MYO5A: variants seen among roughly 807,000 people sequenced by gnomAD.
MYO5A encodes unconventional myosin-Va.
A neutral mutation model predicts 249.7 loss-of-function variants in MYO5A; 98 were observed. The observed-to-expected ratio is 0.39, with a 90% confidence interval of 0.33 to 0.46. The LOEUF is 0.46. Ranked by LOEUF, MYO5A falls within the 20% of genes least tolerant of loss-of-function variation. The pLI, the probability that MYO5A is intolerant of heterozygous loss-of-function variation, is 0.98. For missense variants in MYO5A, 1,696 were observed against 2,308.8 expected, an observed-to-expected ratio of 0.73 and a Z score of 5.44; for synonymous variants, 778 against 810.6, an observed-to-expected ratio of 0.96 and a Z score of 0.68.
chr15:52,319,407 C>T, intron 38 of MYO5A, 65 bp from the exon 39 acceptor site: 1 of 1,483,578 alleles, frequency 6.7e-7, no homozygotes, highest in Non-Finnish European at 9.4e-7. Context: ...TGCACATATC[C>T]ATGTGCACAA....
At chr15:52,370,443 TAAGTA>T (rs1567060205) in intron 21 of MYO5A, 26 bp from the exon 22 acceptor site, 1 of 1,587,330 alleles carries the variant, frequency 6.3e-7, no homozygotes. Context: ...TAAGTAACAA[TAAGTA>T]AATACACATA....
At chr15:52,393,936 T>C (rs931854901) in intron 11 of MYO5A, among the ~76,000 whole-genome samples, 2 of 152,204 alleles carry the variant, frequency 1.3e-5, no homozygotes, top group African/African-American at 2.4e-5. Flanking sequence ...ATATTGACAA[T>C]AGAAACACTG....
chr15:52,486,024 A>G (rs1022337490), intron 1 of MYO5A, among the ~76,000 whole-genome samples: 1 of 152,202 alleles, frequency 6.6e-6, no homozygotes, highest in African/African-American at 2.4e-5. Flanking sequence ...TTTCCATAGT[A>G]AACGTTTTCA....
At chr15:52,343,069 G>C in intron 31 of MYO5A, 48 bp downstream of exon 31, 1 of 1,517,890 alleles carries the variant, frequency 6.6e-7, no homozygotes, top group Non-Finnish European at 9.2e-7. Context: ...CTGTTAGTAA[G>C]AAAAACAACA....
intron 28 of MYO5A, among the ~76,000 whole-genome samples, chr15:52,350,011 C>A (rs1008244225): frequency 6.6e-6 from 1 of 152,260 alleles, no homozygotes; most frequent in African/African-American, 2.4e-5. Context: ...CGGCTCACTG[C>A]AAGCTCCGCC....
intron 8 of MYO5A, among the ~76,000 whole-genome samples, chr15:52,405,995 C>T (rs1427284459): frequency 3.3e-5 from 5 of 152,192 alleles, no homozygotes; most frequent in African/African-American, 1.2e-4. Context: ...AGCGTTTAGG[C>T]TGGTGCTATA....
intron 1 of MYO5A, among the ~76,000 whole-genome samples, chr15:52,508,976 AT>A (rs113511621): frequency 6.6e-4 from 96 of 145,146 alleles, no homozygotes; most frequent in Non-Finnish European, 7.0e-4. Flanking sequence ...TTTTTTTGTA[AT>A]TTTTTTTTTT....
intron 1 of MYO5A, among the ~76,000 whole-genome samples, chr15:52,460,308 G>A (rs1472633620): frequency 6.6e-6 from 1 of 152,218 alleles, no homozygotes; most frequent in Non-Finnish European, 1.5e-5. Context: ...CTGGGAGGTG[G>A]AGGTTGTAGC....
intron 16 of MYO5A, among the ~76,000 whole-genome samples, chr15:52,381,995 C>T (rs190821556): frequency 7.9e-4 from 121 of 152,250 alleles, no homozygotes; most frequent in African/African-American, 2.8e-3. Context: ...TGCAGCCTCC[C>T]AGGTTCAAGT....
chr15:52,321,167 A>G (rs959350536), intron 38 of MYO5A, among the ~76,000 whole-genome samples, 192 bp downstream of exon 38: 1 of 152,238 alleles, frequency 6.6e-6, no homozygotes, highest in Non-Finnish European at 1.5e-5. Flanking sequence ...TCTTGTGGAA[A>G]CAGTGATTTC....
At chr15:52,437,824 T>C (rs1480509837) in intron 1 of MYO5A, among the ~76,000 whole-genome samples, 1 of 152,192 alleles carries the variant, frequency 6.6e-6, no homozygotes, top group Non-Finnish European at 1.5e-5. Flanking sequence ...AAAAAGTAGA[T>C]ACTTTGCCAA....
chr15:52,524,668 A>G (rs937411662), intron 1 of MYO5A, among the ~76,000 whole-genome samples: 18 of 152,080 alleles, frequency 1.2e-4, no homozygotes, highest in Non-Finnish European at 2.2e-4. Flanking sequence ...ACTTGAGTCC[A>G]GGAGTTTAAG....
chr15:52,351,247 C>A lies in MYO5A; in HGVS notation c.3849+7G>T, dbSNP rs371130081. On this transcript the variant is annotated splice_region_variant and intron_variant, in intron 28 of 41. Transcript: ENST00000399233. The stretch of plus-strand genomic sequence containing the variant: ...AACACCCAGTTTAATTGTGTGCTTG[C>A]GCTTACCTTGGGTTGGATGGCCTCT... 3.7e-5 allele frequency: 59 copies of A among 1,612,592 alleles called. 1 individual carries two copies. The highest frequency in any genetic ancestry group is 3.0e-4 in the South Asian group (27 of 90,932).
intron 1 of MYO5A, among the ~76,000 whole-genome samples, chr15:52,503,528 G>A (rs1487556038): frequency 1.3e-5 from 2 of 152,188 alleles, no homozygotes; most frequent in African/African-American, 4.8e-5. Context: ...CAGCTACTCA[G>A]GAGGCTGAAG....
intron 24 of MYO5A, among the ~76,000 whole-genome samples, chr15:52,363,090 T>A (rs2040618282): frequency 6.6e-6 from 1 of 152,252 alleles, no homozygotes; most frequent in Non-Finnish European, 1.5e-5. Flanking sequence ...CAGAAACACC[T>A]ACTGGGTTAT....
chr15:52,505,459 G>A, intron 1 of MYO5A: 1 of 965,534 alleles, frequency 1.0e-6, no homozygotes, highest in Non-Finnish European at 1.7e-6. Context: ...TACAGGAAGT[G>A]GAGCTACAGA....
chr15:52,528,703 GC>G, intron 1 of MYO5A, 76 bp downstream of exon 1: 1 of 1,443,920 alleles, frequency 6.9e-7, no homozygotes, highest in Non-Finnish European at 9.1e-7. Context: ...CGGCGCTCCC[GC>G]CCCCTCCCCA....
intron 30 of MYO5A, among the ~76,000 whole-genome samples, chr15:52,345,223 G>A (rs1024889927): frequency 4.6e-5 from 7 of 152,084 alleles, no homozygotes; most frequent in Admixed American, 4.6e-4. Flanking sequence ...CTAAAAACTT[G>A]TAATATGTAA....
chr15:52,460,248 G>A (rs1274141162), intron 1 of MYO5A, among the ~76,000 whole-genome samples: 1 of 152,150 alleles, frequency 6.6e-6, no homozygotes, highest in African/African-American at 2.4e-5. Flanking sequence ...ACGGGGTGGC[G>A]GCCGGGCAGA....
Sources: allele counts gnomAD v4.1 joint callset (sites outside exome capture counted in the v4.1 genomes callset), GRCh38; gene constraint gnomAD v4.1.1; transcripts MANE v1.5; gene names NCBI Gene and HGNC (gene_info 2026-07-23, HGNC 2026-07-21).